SPIRE1: variants seen among roughly 807,000 people sequenced by gnomAD.
SPIRE1 encodes the protein protein spire homolog 1.
SPIRE1 carries 40 observed loss-of-function variants against 94.1 expected under a neutral mutation model. That is an observed-to-expected ratio of 0.43 (90% CI 0.33 to 0.55). SPIRE1 has a LOEUF of 0.55. Ranked by LOEUF, SPIRE1 falls within the 20% of genes least tolerant of loss-of-function variation. The probability of loss-of-function intolerance (pLI) is 0.06; values close to 1 mark genes in which losing one functional copy is unlikely to be tolerated. For synonymous variants in SPIRE1, 376 were observed against 371.7 expected (o/e 1.01, Z -0.13); for missense variants, 838 against 975.2 (o/e 0.86, Z 1.87).
chr18:12,651,543 G>A (rs969862051), intron 1 of SPIRE1, among the ~76,000 whole-genome samples: 11 of 151,652 alleles, frequency 7.3e-5, no homozygotes, highest in Non-Finnish European at 1.2e-4. Flanking sequence ...GCATGGTGGC[G>A]GGCGCCTGTA....
intron 2 of SPIRE1, among the ~76,000 whole-genome samples, chr18:12,590,376 C>A (rs1446288475): frequency 6.6e-6 from 1 of 152,148 alleles, no homozygotes; most frequent in African/African-American, 2.4e-5. Context: ...AGACGTGAGC[C>A]ACCGTGCCTG....
chr18:12,552,418 G>C (rs1367583452), intron 2 of SPIRE1, among the ~76,000 whole-genome samples: 2 of 152,060 alleles, frequency 1.3e-5, no homozygotes, highest in African/African-American at 4.8e-5. Flanking sequence ...AGGGAAAAGA[G>C]GACTATATCT....
chr18:12,459,959 G>A, intron 12 of SPIRE1: 1 of 969,084 alleles, frequency 1.0e-6, no homozygotes, highest in Non-Finnish European at 1.2e-6. Context: ...AAAGAAAATG[G>A]CAGGGGGAAA....
intron 3 of SPIRE1, among the ~76,000 whole-genome samples, chr18:12,542,667 G>C (rs563794617): frequency 6.6e-6 from 1 of 152,058 alleles, no homozygotes; most frequent in East Asian, 1.9e-4. Flanking sequence ...TCCTAATAAA[G>C]GTTAGCACTA....
intron 3 of SPIRE1, among the ~76,000 whole-genome samples, chr18:12,539,160 A>G (rs980146423): frequency 1.3e-5 from 2 of 152,206 alleles, no homozygotes; most frequent in African/African-American, 2.4e-5. Flanking sequence ...ACAGTATTTG[A>G]TATGGTTTGG....
chr18:12,452,621 C>T, intron 14 of SPIRE1, 109 bp from the exon 15 acceptor site: 2 of 1,064,282 alleles, frequency 1.9e-6, no homozygotes, highest in Non-Finnish European at 2.9e-6. Context: ...AACTGCATAA[C>T]TCTCCCTTCT....
chr18:12,574,739 T>G lies in SPIRE1; in HGVS notation c.373-27835A>C, dbSNP rs1037936569. On this transcript the variant is annotated intron_variant, in intron 2 of 16. Coordinates refer to ENST00000409402, the MANE Select transcript of SPIRE1 (RefSeq NM_001128626.2). Reference sequence around the variant, plus strand: ...AGAATGCACACAGGAGAAGAAGAACTAAACATTCAGTGGCTGGCCAGAGGA... The same window carrying G: ...AGAATGCACACAGGAGAAGAAGAACGAAACATTCAGTGGCTGGCCAGAGGA... Among the ~76,000 whole-genome samples the G allele has an allele frequency of 3.3e-5, 5 of 152,052 alleles. 1 individual carries two copies. Among genetic ancestry groups the G allele is most frequent in the Admixed American group, 3.3e-4 (5 of 15,240 alleles).
At chr18:12,480,323 T>C (rs1259252219) in intron 9 of SPIRE1, among the ~76,000 whole-genome samples, 1 of 152,208 alleles carries the variant, frequency 6.6e-6, no homozygotes, top group Non-Finnish European at 1.5e-5. Flanking sequence ...TATAAACATA[T>C]TTAATGTGAA....
chr18:12,552,614 C>T (rs1268640881), intron 2 of SPIRE1, among the ~76,000 whole-genome samples: 3 of 152,100 alleles, frequency 2.0e-5, no homozygotes, highest in Non-Finnish European at 4.4e-5. Context: ...CAACCCCTGA[C>T]CTAATTGGTT....
chr18:12,530,077 C>T (rs150247119), intron 4 of SPIRE1, among the ~76,000 whole-genome samples: 5 of 152,206 alleles, frequency 3.3e-5, no homozygotes, highest in African/African-American at 1.2e-4. Flanking sequence ...TTTTAAAAGG[C>T]CTACAGCATC....
At chr18:12,498,389 A>G (rs2033537183) in intron 6 of SPIRE1, among the ~76,000 whole-genome samples, 1 of 152,190 alleles carries the variant, frequency 6.6e-6, no homozygotes, top group Non-Finnish European at 1.5e-5. Flanking sequence ...TTGAGCAACA[A>G]TGCCTTAAAC....
At chr18:12,642,047 GTCTCAA>G (rs2038101330) in intron 1 of SPIRE1, among the ~76,000 whole-genome samples, 1 of 151,926 alleles carries the variant, frequency 6.6e-6, no homozygotes, top group Admixed American at 6.6e-5. Flanking sequence ...AGCCAGGATG[GTCTCAA>G]TCTCCTGACC....
chr18:12,655,302 G>A (rs1219653314), intron 1 of SPIRE1, among the ~76,000 whole-genome samples: 1 of 151,132 alleles, frequency 6.6e-6, no homozygotes, highest in East Asian at 1.9e-4. Flanking sequence ...AAGAAGGAAG[G>A]AATAGAATTT....
chr18:12,624,400 AG>A (rs1291012302), intron 2 of SPIRE1, among the ~76,000 whole-genome samples: 1 of 151,356 alleles, frequency 6.6e-6, no homozygotes, highest in African/African-American at 2.4e-5. Flanking sequence ...AAAATTAGCC[AG>A]GCGTGGTGGC....
chr18:12,525,852 C>T (rs1323853753), intron 4 of SPIRE1, among the ~76,000 whole-genome samples: 4 of 152,062 alleles, frequency 2.6e-5, no homozygotes, highest in Admixed American at 6.6e-5. Context: ...TTCCTAGCAT[C>T]GTAAAGATCT....
At chr18:12,552,700 A>T (rs947763414) in intron 2 of SPIRE1, among the ~76,000 whole-genome samples, 7 of 152,042 alleles carry the variant, frequency 4.6e-5, no homozygotes, top group African/African-American at 1.7e-4. Context: ...TGCAACCCCC[A>T]GTCACGTACC....
intron 2 of SPIRE1, among the ~76,000 whole-genome samples, chr18:12,612,779 C>T (rs539555862): frequency 1.2e-4 from 19 of 152,204 alleles, no homozygotes; most frequent in Non-Finnish European, 2.1e-4. Context: ...CAGGTGCATG[C>T]CCACCTCCAG....
chr18:12,488,241 T>G (rs181642851), intron 8 of SPIRE1, among the ~76,000 whole-genome samples: 2 of 152,358 alleles, frequency 1.3e-5, no homozygotes, highest in African/African-American at 4.8e-5. Context: ...GTTAATTATT[T>G]TTCCTTGTAA....
chr18:12,623,159 AT>A (rs33920825), intron 2 of SPIRE1, among the ~76,000 whole-genome samples: 81,910 of 149,076 alleles, frequency 0.55, 23,391 homozygotes, highest in Middle Eastern at 0.75. Context: ...ACAAATATAC[AT>A]TTTTTTTTTT....
Sources: gnomAD v4.1 joint callset for allele counts (sites outside exome capture counted in the v4.1 genomes callset) on GRCh38, gnomAD v4.1.1 for gene constraint, MANE v1.5 for transcripts, NCBI Gene and HGNC (gene_info 2026-07-23, HGNC 2026-07-21) for gene names.